Variants in ANK3 observed in about 807,000 individuals in gnomAD.
ANK3 encodes ankyrin 3.
A neutral mutation model predicts 370.9 loss-of-function variants in ANK3; 57 were observed. That is an observed-to-expected ratio of 0.15 (90% CI 0.12 to 0.19). The LOEUF (loss-of-function observed/expected upper bound fraction) is 0.19, where lower values mean the gene tolerates loss of function less well. Among genes scored for constraint, ANK3 ranks in the 10% least tolerant of loss-of-function variants. ANK3 has a pLI of 1.00. For synonymous variants in ANK3, 1,929 were observed against 1,946.3 expected, an observed-to-expected ratio of 0.99 and a Z score of 0.23; for missense variants, 4,439 against 5,302.1, an observed-to-expected ratio of 0.84 and a Z score of 5.06.
At chr10:60,351,251 T>C (rs1594311192) in intron 1 of ANK3, among the ~76,000 whole-genome samples, 1 of 152,168 alleles carries the variant, frequency 6.6e-6, no homozygotes, top group East Asian at 1.9e-4. Context: ...TATTTAGAGA[T>C]TCAGACTGGG....
intron 2 of ANK3, among the ~76,000 whole-genome samples, chr10:60,427,517 T>C (rs1050254175): frequency 6.6e-6 from 1 of 151,396 alleles, no homozygotes; most frequent in Non-Finnish European, 1.5e-5. Context: ...GAATATAAGG[T>C]TTCGGGCCCT....
chr10:60,168,490 G>A (rs1565433208), intron 21 of ANK3, among the ~76,000 whole-genome samples: 2 of 151,976 alleles, frequency 1.3e-5, no homozygotes, highest in Non-Finnish European at 2.9e-5. Flanking sequence ...ATTTAGTTGT[G>A]TCTCCTTAGG....
At chr10:60,092,179 G>T (rs1195211468) in intron 28 of ANK3, among the ~76,000 whole-genome samples, 1 of 152,114 alleles carries the variant, frequency 6.6e-6, no homozygotes, top group Non-Finnish European at 1.5e-5. Flanking sequence ...ATATAGCTAT[G>T]CTTGTTTTAC....
intron 2 of ANK3, among the ~76,000 whole-genome samples, chr10:60,506,042 C>T (rs770244434): frequency 6.6e-6 from 1 of 151,964 alleles, no homozygotes; most frequent in Non-Finnish European, 1.5e-5. Flanking sequence ...CCCCCCAAAC[C>T]TATTTTCTCA....
At chr10:60,045,792 G>C (rs957027458) in intron 42 of ANK3, among the ~76,000 whole-genome samples, 3 of 152,186 alleles carry the variant, frequency 2.0e-5, no homozygotes, top group African/African-American at 7.2e-5. Context: ...CCAATGGTGA[G>C]AACATTCTAT....
intron 23 of ANK3, among the ~76,000 whole-genome samples, chr10:60,145,683 G>A (rs2094782231): frequency 6.6e-6 from 1 of 152,128 alleles, no homozygotes; most frequent in South Asian, 2.1e-4. Flanking sequence ...CAGAAAATAG[G>A]ATTCAAAATC....
intron 13 of ANK3, among the ~76,000 whole-genome samples, chr10:60,199,841 T>G (rs1409201450): frequency 6.6e-6 from 1 of 152,194 alleles, no homozygotes; most frequent in East Asian, 1.9e-4. Context: ...GTGAAGAACT[T>G]TGGACCAAGT....
chr10:60,062,760 G>A (rs1015014964), intron 40 of ANK3: 6 of 162,400 alleles, frequency 3.7e-5, no homozygotes, highest in Admixed American at 1.3e-4. Context: ...ACCTATATAC[G>A]AATAAAAGAG....
intron 2 of ANK3, among the ~76,000 whole-genome samples, chr10:60,485,520 G>T (rs2075326254): frequency 6.6e-6 from 1 of 152,134 alleles, no homozygotes; most frequent in African/African-American, 2.4e-5. Flanking sequence ...ACATCAACAA[G>T]GGACACTAAA....
intron 1 of ANK3, among the ~76,000 whole-genome samples, chr10:60,356,998 C>T (rs1026980501): frequency 1.8e-4 from 28 of 152,178 alleles, no homozygotes; most frequent in African/African-American, 6.0e-4. Context: ...CGTGAGCCAC[C>T]GTGCCTGGCC....
intron 23 of ANK3, among the ~76,000 whole-genome samples, chr10:60,160,661 G>C (rs1293826030): frequency 6.6e-6 from 1 of 151,974 alleles, no homozygotes. Context: ...TCGAATACTA[G>C]CAAACCATAT....
intron 7 of ANK3, among the ~76,000 whole-genome samples, chr10:60,254,354 AC>A (rs1247087331): frequency 2.6e-5 from 4 of 152,086 alleles, no homozygotes; most frequent in Admixed American, 1.3e-4. Flanking sequence ...CACTACACAA[AC>A]CAAAGTAGAG....
At chr10:60,240,666 A>G (rs976960068) in intron 7 of ANK3, among the ~76,000 whole-genome samples, 3 of 152,004 alleles carry the variant, frequency 2.0e-5, no homozygotes, top group African/African-American at 7.3e-5. Context: ...ATCTCAGTTC[A>G]CTGCAACCTC....
intron 1 of ANK3, among the ~76,000 whole-genome samples, chr10:60,669,026 A>G (rs558167374): frequency 6.6e-6 from 1 of 152,210 alleles, no homozygotes; most frequent in East Asian, 1.9e-4. Context: ...ACAAGAATTG[A>G]CACTGTGACA....
At chr10:60,683,952 T>C (rs2079230972) in intron 1 of ANK3, among the ~76,000 whole-genome samples, 2 of 152,230 alleles carry the variant, frequency 1.3e-5, no homozygotes, top group African/African-American at 4.8e-5. Context: ...TCAGATAATC[T>C]TACTCTTTAA....
chr10:60,408,277 C>T (rs952694308), intron 2 of ANK3, among the ~76,000 whole-genome samples: 6 of 152,102 alleles, frequency 3.9e-5, no homozygotes, highest in African/African-American at 2.4e-5. Context: ...AATTGTCAAC[C>T]CCAGTGTTGG....
intron 5 of ANK3, among the ~76,000 whole-genome samples, chr10:60,267,925 T>C (rs35305500): frequency 2.6e-5 from 4 of 152,248 alleles, no homozygotes; most frequent in Admixed American, 2.6e-4. Flanking sequence ...TAGGACACAA[T>C]GTGTGTATCG....
At chr10:60,528,127 T>C (rs912406633) in intron 2 of ANK3, among the ~76,000 whole-genome samples, 44 of 117,596 alleles carry the variant, frequency 3.7e-4, no homozygotes, top group African/African-American at 1.1e-3. Flanking sequence ...TTTTTTCTTT[T>C]CTTCTTCTTC....
At chr10:60,380,484 T>C (rs1236092067) in intron 1 of ANK3, among the ~76,000 whole-genome samples, 2 of 152,188 alleles carry the variant, frequency 1.3e-5, no homozygotes, top group Non-Finnish European at 2.9e-5. Flanking sequence ...CTGTGAAACT[T>C]TGGGCAAGTT....
Sources: gnomAD v4.1 joint callset for allele counts (sites outside exome capture counted in the v4.1 genomes callset) on GRCh38, gnomAD v4.1.1 for gene constraint, MANE v1.5 for transcripts, NCBI Gene and HGNC (gene_info 2026-07-23, HGNC 2026-07-21) for gene names.